DCPH1: variants seen among roughly 807,000 people sequenced by gnomAD.
DCPH1 encodes the protein damage-control phosphatase 1.
At chr6:151,457,663 TATC>T in the DCPH1 span, among the ~76,000 whole-genome samples, 1 of 152,210 alleles carries the variant, frequency 6.6e-6, no homozygotes, top group Non-Finnish European at 1.5e-5. Context: ...AGGGACTAAA[TATC>T]AACATGATAA....
chr6:151,469,699 G>A, the DCPH1 span: 1 of 152,540 alleles, frequency 6.6e-6, no homozygotes, highest in Non-Finnish European at 1.5e-5. Context: ...TGTTTCATTT[G>A]CACGCCTTTG....
chr6:151,455,486 A>G, the DCPH1 span, among the ~76,000 whole-genome samples: 2 of 152,236 alleles, frequency 1.3e-5, no homozygotes, highest in Non-Finnish European at 1.5e-5. Flanking sequence ...AGGTCTTTGC[A>G]TCATAGACAA....
chr6:151,453,033 G>A, the DCPH1 span, among the ~76,000 whole-genome samples: 4 of 152,220 alleles, frequency 2.6e-5, no homozygotes, highest in African/African-American at 7.2e-5. Context: ...GGGTAAAGTT[G>A]TGGGTGACCG....
chr6:151,454,577 G>T, the DCPH1 span: 37 of 1,563,440 alleles, frequency 2.4e-5, 1 homozygote, highest in South Asian at 4.1e-4. Flanking sequence ...ATTAAAGACA[G>T]AATACCACAG....
chr6:151,462,006 T>G, the DCPH1 span, among the ~76,000 whole-genome samples: 1 of 152,186 alleles, frequency 6.6e-6, no homozygotes, highest in Non-Finnish European at 1.5e-5. Flanking sequence ...CCTAGGTCAA[T>G]GGCAACTCCA....
At chr6:151,457,081 G>T in the DCPH1 span, among the ~76,000 whole-genome samples, 2 of 152,032 alleles carry the variant, frequency 1.3e-5, no homozygotes, top group Admixed American at 1.3e-4. Flanking sequence ...ACTCTCCTTG[G>T]GCCTCATGTG....
At chr6:151,457,676 A>C in the DCPH1 span, among the ~76,000 whole-genome samples, 1 of 152,228 alleles carries the variant, frequency 6.6e-6, no homozygotes, top group Non-Finnish European at 1.5e-5. Flanking sequence ...CAACATGATA[A>C]AAATGATCTT....
chr6:151,455,584 C>T, the DCPH1 span, among the ~76,000 whole-genome samples: 1 of 152,258 alleles, frequency 6.6e-6, no homozygotes, highest in African/African-American at 2.4e-5. Context: ...CCGCATGTCC[C>T]ACCTCCAGCC....
chr6:151,469,433 T>G, the DCPH1 span: 2 of 216,340 alleles, frequency 9.2e-6, no homozygotes, highest in Non-Finnish European at 1.8e-5. Flanking sequence ...AAAAAATAAG[T>G]GAGTTCTGCT....
chr6:151,455,579 T>C, the DCPH1 span, among the ~76,000 whole-genome samples: 1 of 151,060 alleles, frequency 6.6e-6, no homozygotes, highest in East Asian at 2.0e-4. Context: ...GCTGCCCGCA[T>C]GTCCCACCTC....
chr6:151,458,107 G>C, the DCPH1 span, among the ~76,000 whole-genome samples: 2 of 152,258 alleles, frequency 1.3e-5, no homozygotes, highest in East Asian at 3.9e-4. Context: ...CGAAGATACA[G>C]AAAGGCCAGA....
chr6:151,456,291 T>G, the DCPH1 span, among the ~76,000 whole-genome samples: 838 of 152,322 alleles, frequency 5.5e-3, 4 homozygotes, highest in Middle Eastern at 0.11. Context: ...TTTTGAGAGT[T>G]GAAAACAAAA....
At chr6:151,465,037 A>G in the DCPH1 span, among the ~76,000 whole-genome samples, 1 of 152,194 alleles carries the variant, frequency 6.6e-6, no homozygotes, top group African/African-American at 2.4e-5. Context: ...CAGTGAGGAT[A>G]ATGTGTACTG....
chr6:151,463,917 C>G, the DCPH1 span, among the ~76,000 whole-genome samples: 4 of 152,080 alleles, frequency 2.6e-5, no homozygotes, highest in African/African-American at 9.7e-5. Flanking sequence ...CCCAAAAATA[C>G]CTAAAATTAG....
chr6:151,455,873 T>C, the DCPH1 span, among the ~76,000 whole-genome samples: 1 of 152,294 alleles, frequency 6.6e-6, no homozygotes, highest in African/African-American at 2.4e-5. Flanking sequence ...CAGAGGTCCC[T>C]GCGGCCTTCC....
the DCPH1 span, chr6:151,458,208 GAAATA>G: frequency 2.1e-5 from 27 of 1,289,684 alleles, no homozygotes; most frequent in Non-Finnish European, 2.4e-5. Context: ...AATGTTTAAA[GAAATA>G]AAATGTAGTT....
At chr6:151,459,919 C>T in the DCPH1 span, among the ~76,000 whole-genome samples, 1 of 152,166 alleles carries the variant, frequency 6.6e-6, no homozygotes, top group Non-Finnish European at 1.5e-5. Context: ...GTATCTGTTC[C>T]TAAACATAGC....
At chr6:151,456,400 C>T in the DCPH1 span, among the ~76,000 whole-genome samples, 3 of 152,286 alleles carry the variant, frequency 2.0e-5, no homozygotes, top group South Asian at 4.1e-4. Flanking sequence ...CTTCTTTCAA[C>T]TTCTTTTATA....
At chr6:151,460,111 G>A in the DCPH1 span, among the ~76,000 whole-genome samples, 1 of 151,878 alleles carries the variant, frequency 6.6e-6, no homozygotes, top group Non-Finnish European at 1.5e-5. Context: ...ATGGAGTCTC[G>A]CTCTGTCGCC....
Sources: gnomAD v4.1 joint callset for allele counts (sites outside exome capture counted in the v4.1 genomes callset) on GRCh38, gnomAD v4.1.1 for gene constraint, MANE v1.5 for transcripts, NCBI Gene and HGNC (gene_info 2026-07-23, HGNC 2026-07-21) for gene names.